The following OLFM3 variants were observed in gnomAD, a reference collection of about 807,000 sequenced individuals.
OLFM3 encodes noelin-3.
Under a neutral mutation model 48.6 loss-of-function variants are expected in OLFM3, and 20 were observed. The observed-to-expected ratio is 0.41, with a 90% CI of 0.29 to 0.60. OLFM3 has a LOEUF of 0.60. Ranked by LOEUF, OLFM3 falls within the 20% of genes least tolerant of loss-of-function variation. The pLI, the probability that OLFM3 is intolerant of heterozygous loss-of-function variation, is 0.28. For synonymous variants in OLFM3, 222 were observed against 198.1 expected (o/e 1.12, Z -1.01); for missense variants, 437 against 544.3 (o/e 0.80, Z 1.96).
At chr1:101,872,601 C>A (rs1338644089) in intron 1 of OLFM3, among the ~76,000 whole-genome samples, 1 of 151,988 alleles carries the variant, frequency 6.6e-6, no homozygotes. Context: ...CTGGAAAGAT[C>A]TCAGTTGTTC....
chr1:101,916,691 T>C (rs1439386453), intron 1 of OLFM3, among the ~76,000 whole-genome samples: 1 of 152,214 alleles, frequency 6.6e-6, no homozygotes, highest in Non-Finnish European at 1.5e-5. Context: ...GCAGATGGGC[T>C]TGAATCTGTA....
intron 1 of OLFM3, among the ~76,000 whole-genome samples, chr1:101,878,791 T>C (rs546849533): frequency 2.0e-5 from 3 of 152,004 alleles, no homozygotes; most frequent in East Asian, 3.9e-4. Context: ...CCTTGAAAAC[T>C]AATGAAGAAT....
chr1:101,852,571 C>T lies in OLFM3; in HGVS notation c.70-15546G>A, dbSNP rs754467401. Among the ~76,000 whole-genome samples, 131 of 152,040 alleles carry T rather than the reference C, an allele frequency of 8.6e-4. 1 individual carries two copies. Among genetic ancestry groups the T allele is most frequent in the Non-Finnish European group, 4.1e-4 (28 of 67,980 alleles). ...TTTTTTCCCAGCAGACCTCTCCTAT[C>T]AATTCAGAACTGCATATCCAATTAT... On this transcript the variant is annotated intron_variant, in intron 1 of 5. Transcript: ENST00000370103.
rs764024691 is a variant in OLFM3 at position 101,804,575 on chromosome 1, C to T, written c.1040G>A (p.Gly347Asp). 1 of 1,612,524 alleles carries T rather than the reference C, an allele frequency of 6.2e-7. No homozygotes were observed. The highest frequency in any genetic ancestry group is 1.1e-5 in the South Asian group (1 of 91,060). The part of the protein sequence containing the change: ...WAVYATNQNA[G>D]NIVISQLNQD... ...GTTAAGTTGGCTGATGACAATATTG[C>T]CTGCATTCTGGTTAGTTGCATACAC... Residue 347 changes from glycine to aspartate, a missense_variant, in exon 6 of 6, where the codon GGC (glycine) becomes GAC (aspartate). By Grantham distance (94) the Gly-to-Asp change is moderately conservative. This residue lies in a region of OLFM3 where 108 missense variants were observed against 135.8 expected (regional missense o/e 0.80). Transcript: ENST00000370103. The surrounding 1 kb of genome is among the most constrained non-coding windows in gnomAD (Gnocchi z 4.5).
chr1:101,818,798 G>A (rs916618660), intron 4 of OLFM3, among the ~76,000 whole-genome samples: 3 of 152,184 alleles, frequency 2.0e-5, no homozygotes, highest in South Asian at 2.1e-4. Flanking sequence ...AAAAGATATC[G>A]ATGTGTTTTA....
At chr1:101,886,124 G>T (rs1189472428) in intron 1 of OLFM3, among the ~76,000 whole-genome samples, 1 of 151,936 alleles carries the variant, frequency 6.6e-6, no homozygotes, top group Non-Finnish European at 1.5e-5. Context: ...AAAAACAAAG[G>T]TGTTTGTCTT....
chr1:101,920,772 A>G (rs569212403), intron 1 of OLFM3, among the ~76,000 whole-genome samples: 16 of 152,302 alleles, frequency 1.1e-4, no homozygotes, highest in African/African-American at 3.4e-4. Flanking sequence ...TTAGTAAACA[A>G]TAGAGACCCA....
intron 1 of OLFM3, among the ~76,000 whole-genome samples, chr1:101,894,532 C>T (rs746763787): frequency 6.6e-6 from 1 of 152,036 alleles, no homozygotes; most frequent in African/African-American, 2.4e-5. Flanking sequence ...AGTAGATTGA[C>T]TTTTACTTAT....
chr1:101,925,323 G>A (rs1659237746), intron 1 of OLFM3, among the ~76,000 whole-genome samples: 1 of 151,526 alleles, frequency 6.6e-6, no homozygotes, highest in African/African-American at 2.4e-5. Context: ...TATTACATTG[G>A]CGTTTTTTTT....
chr1:101,844,914 T>C (rs1312088171), intron 1 of OLFM3, among the ~76,000 whole-genome samples: 4 of 152,218 alleles, frequency 2.6e-5, no homozygotes, highest in Non-Finnish European at 5.9e-5. Flanking sequence ...TTTATGTTCC[T>C]AGTCTAAGAG....
intron 3 of OLFM3, among the ~76,000 whole-genome samples, chr1:101,826,180 T>C (rs531203327): frequency 6.9e-6 from 1 of 144,654 alleles, no homozygotes; most frequent in East Asian, 2.0e-4. Flanking sequence ...ACACACAGTG[T>C]ATGTTGTCAA....
At chr1:101,938,796 C>T (rs1659701014) in intron 1 of OLFM3, among the ~76,000 whole-genome samples, 1 of 152,140 alleles carries the variant, frequency 6.6e-6, no homozygotes, top group Non-Finnish European at 1.5e-5. Flanking sequence ...CCCCCGAGGC[C>T]TGGGAAAATT....
chr1:101,945,482 GTGGTTTC>G lies in OLFM3; in HGVS notation c.69+51259_69+51265del, dbSNP rs376925503. ...AATTATAGTTGCAGGAAGCAGGTCAGTGGTTTCTGTGGGAGGAGGGTTAGGAAGAAAT... is the reference window on the plus strand; with the variant it reads ...AATTATAGTTGCAGGAAGCAGGTCAGTGTGGGAGGAGGGTTAGGAAGAAAT... On this transcript the variant is annotated intron_variant, in intron 1 of 5. Transcript: ENST00000370103. Among the ~76,000 whole-genome samples the G allele has an allele frequency of 2.6e-3, 393 of 152,234 alleles. 2 individuals are homozygous for G. The highest frequency in any genetic ancestry group is 9.1e-3 in the African/African-American group (377 of 41,536).
chr1:101,948,911 T>TAA (rs1312154629), intron 1 of OLFM3, among the ~76,000 whole-genome samples: 1 of 148,818 alleles, frequency 6.7e-6, no homozygotes, highest in African/African-American at 2.4e-5. Context: ...TGCTTATATA[T>TAA]AATAAAATAA....
chr1:101,822,994 T>C (rs955265720), intron 4 of OLFM3, among the ~76,000 whole-genome samples: 10 of 152,044 alleles, frequency 6.6e-5, no homozygotes, highest in Non-Finnish European at 8.8e-5. Flanking sequence ...CATTTCTTGT[T>C]ATGAGTAAAA....
rs532028875 is a variant in OLFM3, at chr1:101,966,755, G to A, written c.69+29993C>T. On this transcript the variant is annotated intron_variant, in intron 1 of 5. Coordinates refer to ENST00000370103, the MANE Select transcript of OLFM3 (RefSeq NM_058170.4). ...GTCTTTACTGAGATCCTGGCTTGGC[G>A]TTCTCCTTTTTCTAGTTAATACACT... Among the ~76,000 whole-genome samples, 451 of 101,940 alleles carry A rather than the reference G, an allele frequency of 4.4e-3. 1 individual carries two copies. The highest frequency in any genetic ancestry group is 6.8e-3 in the Non-Finnish European group (332 of 49,150). 66.9% of individuals were successfully genotyped at this position (101,940 alleles called of 152,430 possible).
At chr1:101,843,253 G>A (rs996007055) in intron 1 of OLFM3, among the ~76,000 whole-genome samples, 3 of 152,128 alleles carry the variant, frequency 2.0e-5, no homozygotes, top group African/African-American at 7.2e-5. Context: ...AGGTTCCTTC[G>A]AGGCCTCTTC....
At chr1:101,970,153 C>T (rs1159010383) in intron 1 of OLFM3, among the ~76,000 whole-genome samples, 3 of 151,952 alleles carry the variant, frequency 2.0e-5, no homozygotes, top group African/African-American at 7.3e-5. Context: ...GTAACTGGGA[C>T]TACAGGTGTG....
At chr1:101,855,896 C>A (rs371202562) in intron 1 of OLFM3, among the ~76,000 whole-genome samples, 10 of 150,970 alleles carry the variant, frequency 6.6e-5, no homozygotes, top group African/African-American at 2.2e-4. Flanking sequence ...AAAATTGGAT[C>A]TTCAAATGTG....
Sources: gnomAD v4.1 joint callset for allele counts (sites outside exome capture counted in the v4.1 genomes callset) on GRCh38, gnomAD v4.1.1 for gene constraint, gnomAD v4.1.1 regional missense constraint, Gnocchi (gnomAD v3.1) non-coding constraint, MANE v1.5 for transcripts, NCBI Gene and HGNC (gene_info 2026-07-23, HGNC 2026-07-21) for gene names.